SPON1: variants seen among roughly 807,000 people sequenced by gnomAD.
SPON1 encodes the protein spondin-1.
A neutral mutation model predicts 111.7 loss-of-function variants in SPON1; 52 were observed. That is an observed-to-expected ratio of 0.47 (90% CI 0.37 to 0.59). The LOEUF (loss-of-function observed/expected upper bound fraction) is 0.59. SPON1 is among the 20% of genes least tolerant of loss of function. The pLI is 0.00. For missense variants in SPON1, 957 were observed against 1,068.5 expected, an observed-to-expected ratio of 0.90 and a Z score of 1.46; for synonymous variants, 410 against 395.8, an observed-to-expected ratio of 1.04 and a Z score of -0.43.
Position 13,982,960 on chromosome 11 carries a change from C to T in SPON1, c.345+7C>T, listed in dbSNP as rs368486622. 44 of 1,530,166 alleles carry T rather than the reference C, an allele frequency of 2.9e-5. No homozygotes were observed. Among genetic ancestry groups the T allele is most frequent in the Non-Finnish European group, 3.7e-5 (42 of 1,126,992 alleles). 94.8% of individuals were successfully genotyped at this position (1,530,166 alleles called of 1,614,324 possible). A position where few individuals can be genotyped will look rare whatever the true frequency, so the allele number is the denominator to read the frequency against. On this transcript the variant is annotated splice_region_variant and intron_variant, in intron 2 of 15. Transcript: ENST00000576479. ...CCATGCTGGGACCTTCCAGGTAAGACCCTGCCTGGGCTTATTCAGTGGCCC... is the reference window on the plus strand; with the variant it reads ...CCATGCTGGGACCTTCCAGGTAAGATCCTGCCTGGGCTTATTCAGTGGCCC...
intron 6 of SPON1, among the ~76,000 whole-genome samples, chr11:14,178,547 T>A (rs181276953): frequency 4.9e-4 from 74 of 152,356 alleles, no homozygotes; most frequent in African/African-American, 1.6e-3. Context: ...TGCCTTTTTT[T>A]ATTCCTTGGG....
chr11:14,264,620 CAACA>C (rs760349854), intron 15 of SPON1, among the ~76,000 whole-genome samples: 9 of 152,200 alleles, frequency 5.9e-5, no homozygotes, highest in East Asian at 1.9e-4. Context: ...GTCAGCCAGT[CAACA>C]AACATTCATT....
chr11:14,004,257 G>A (rs536629903), intron 2 of SPON1, among the ~76,000 whole-genome samples: 141 of 152,128 alleles, frequency 9.3e-4, no homozygotes, highest in African/African-American at 3.3e-3. Flanking sequence ...CATTTAGGTC[G>A]TTTCCATATC....
intron 3 of SPON1, among the ~76,000 whole-genome samples, chr11:14,047,361 T>C (rs1338569091): frequency 1.3e-5 from 2 of 152,190 alleles, no homozygotes; most frequent in African/African-American, 4.8e-5. Context: ...CTTTATCATG[T>C]TGAAGGTGTT....
chr11:14,118,966 T>G (rs1554926239), intron 5 of SPON1, among the ~76,000 whole-genome samples: 1 of 152,206 alleles, frequency 6.6e-6, no homozygotes, highest in Non-Finnish European at 1.5e-5. Flanking sequence ...GGGAACATGC[T>G]CAATAATAAA....
intron 2 of SPON1, among the ~76,000 whole-genome samples, chr11:13,995,181 A>G (rs1848261898): frequency 6.6e-6 from 1 of 152,196 alleles, no homozygotes; most frequent in East Asian, 1.9e-4. Context: ...TACATAGTGG[A>G]CACTCAGTAA....
chr11:14,154,216 TG>T (rs782108785), intron 6 of SPON1, among the ~76,000 whole-genome samples: 9 of 152,218 alleles, frequency 5.9e-5, no homozygotes, highest in Non-Finnish European at 1.2e-4. Flanking sequence ...GGATACTGTG[TG>T]GGGGCTCCAA....
chr11:14,015,387 C>T (rs1171280028), intron 2 of SPON1, among the ~76,000 whole-genome samples: 7 of 152,280 alleles, frequency 4.6e-5, no homozygotes, highest in African/African-American at 1.7e-4. Flanking sequence ...GCAGTTTCAT[C>T]TCTTAAGACC....
At chr11:14,159,255 C>A (rs1481702685) in intron 6 of SPON1, among the ~76,000 whole-genome samples, 1 of 151,774 alleles carries the variant, frequency 6.6e-6, no homozygotes, top group African/African-American at 2.4e-5. Context: ...TTTTTTGATG[C>A]CTTTGGAAAG....
In SPON1 at chr11:13,962,898, C is replaced by T. The variant is rs782618658; in HGVS notation, c.-7C>T. 4 of 1,507,520 alleles carry T rather than the reference C, an allele frequency of 2.7e-6. No homozygotes were observed. Among genetic ancestry groups the T allele is most frequent in the Non-Finnish European group, 3.5e-6 (4 of 1,132,880 alleles). 93.4% of individuals were successfully genotyped at this position (1,507,520 alleles called of 1,614,324 possible). A position where few individuals can be genotyped will look rare whatever the true frequency, so the allele number is the denominator to read the frequency against. ...GCGGCCGCGGCACAAAGTTGGGGGCCGCGAAGATGAGGCTGTCCCCGGCGC... is the reference window on the plus strand; with the variant it reads ...GCGGCCGCGGCACAAAGTTGGGGGCTGCGAAGATGAGGCTGTCCCCGGCGC... On this transcript the variant is annotated 5_prime_UTR_variant, in exon 1 of 16. Coordinates refer to ENST00000576479, the MANE Select transcript of SPON1 (RefSeq NM_006108.4).
chr11:14,056,172 T>C (rs1205981895), intron 3 of SPON1, among the ~76,000 whole-genome samples: 1 of 152,162 alleles, frequency 6.6e-6, no homozygotes. Context: ...GGGGTGGTAA[T>C]ATTAATAGTA....
chr11:14,185,267 C>G (rs533558660), intron 6 of SPON1, among the ~76,000 whole-genome samples: 1 of 152,348 alleles, frequency 6.6e-6, no homozygotes, highest in South Asian at 2.1e-4. Flanking sequence ...AGCTATTGTT[C>G]ATTACTATTG....
At chr11:14,182,844 A>T (rs1193772394) in intron 6 of SPON1, among the ~76,000 whole-genome samples, 2 of 152,200 alleles carry the variant, frequency 1.3e-5, no homozygotes, top group Non-Finnish European at 2.9e-5. Context: ...GTTGTTTCAG[A>T]TGCCAAGTGG....
chr11:14,153,489 C>T (rs1446321168), intron 6 of SPON1, among the ~76,000 whole-genome samples: 4 of 152,132 alleles, frequency 2.6e-5, no homozygotes, highest in Non-Finnish European at 5.9e-5. Context: ...AATCTCTGAG[C>T]ACTCACTCAC....
chr11:14,185,322 T>A (rs1246662045), intron 6 of SPON1, among the ~76,000 whole-genome samples: 1 of 152,190 alleles, frequency 6.6e-6, no homozygotes, highest in Non-Finnish European at 1.5e-5. Flanking sequence ...ATATCCCCCA[T>A]CCTTTACCAT....
At chr11:14,152,347 C>T (rs1847798128) in intron 6 of SPON1, among the ~76,000 whole-genome samples, 1 of 152,172 alleles carries the variant, frequency 6.6e-6, no homozygotes, top group Admixed American at 6.5e-5. Context: ...AATTTATCTT[C>T]TATTCAAAGG....
At position 14,262,976 on chromosome 11, in the gene SPON1, G is replaced by T; in HGVS notation, c.2260+1G>T. ...GAGTCTGAAGGGGAGCAGTTCCCAG[G>T]TATGGCTCCCAAGTGTCAGCCTGGG... is the stretch of plus-strand genomic sequence containing the variant. On this transcript the variant is annotated splice_donor_variant, in intron 15 of 15. Transcript: ENST00000576479. LOFTEE classifies it high-confidence loss of function. The T allele has an allele frequency of 6.2e-7, 1 of 1,612,264 alleles. No homozygotes were observed. Among genetic ancestry groups the T allele is most frequent in the Non-Finnish European group, 8.5e-7 (1 of 1,179,428 alleles).
At chr11:14,145,925 G>A (rs1554929276) in intron 6 of SPON1, among the ~76,000 whole-genome samples, 1 of 152,082 alleles carries the variant, frequency 6.6e-6, no homozygotes. Context: ...AAGCAGAACA[G>A]TGTGTATAGC....
intron 2 of SPON1, among the ~76,000 whole-genome samples, chr11:14,033,022 C>G (rs1848570289): frequency 1.3e-5 from 2 of 152,274 alleles, no homozygotes; most frequent in African/African-American, 4.8e-5. Flanking sequence ...ACCACTGAGT[C>G]CCCTGAGTTG....
Sources: gnomAD v4.1 joint callset for allele counts (sites outside exome capture counted in the v4.1 genomes callset) on GRCh38, gnomAD v4.1.1 for gene constraint, MANE v1.5 for transcripts, NCBI Gene and HGNC (gene_info 2026-07-23, HGNC 2026-07-21) for gene names.